CLDN10: variants seen among roughly 807,000 people sequenced by gnomAD.
CLDN10 encodes claudin-10.
CLDN10 carries 15 observed loss-of-function variants against 22.9 expected under a neutral mutation model. The ratio of observed to expected loss-of-function variants is 0.65; its 90% CI spans 0.44 to 1.01. CLDN10 has a LOEUF of 1.01. CLDN10 is among the 50% of genes least tolerant of loss of function. The pLI, the probability that CLDN10 is intolerant of heterozygous loss-of-function variation, is 0.00. For synonymous variants in CLDN10, 114 were observed against 111.4 expected, an observed-to-expected ratio of 1.02 and a Z score of -0.15; for missense variants, 247 against 287.8, an observed-to-expected ratio of 0.86 and a Z score of 1.03.
At chr13:95,490,681 C>T (rs970962781) in intron 1 of CLDN10, among the ~76,000 whole-genome samples, 1 of 151,998 alleles carries the variant, frequency 6.6e-6, no homozygotes. Flanking sequence ...ATTTTGTGGC[C>T]TATCACATGG....
At chr13:95,531,873 C>T (rs1018290869) in intron 1 of CLDN10, among the ~76,000 whole-genome samples, 11 of 151,968 alleles carry the variant, frequency 7.2e-5, no homozygotes, top group African/African-American at 1.7e-4. Context: ...AATAGATCTG[C>T]GCTTACACAT....
Position 95,475,603 on chromosome 13 carries a change from A to G in CLDN10, c.214+41556A>G, listed in dbSNP as rs559468218. Among the ~76,000 whole-genome samples, 60 of 152,286 alleles carry G rather than the reference A, an allele frequency of 3.9e-4. 1 individual carries two copies. Among genetic ancestry groups the G allele is most frequent in the African/African-American group, 1.3e-3 (54 of 41,570 alleles). On this transcript the variant is annotated intron_variant, in intron 1 of 4. Coordinates refer to the CLDN10 transcript ENST00000376873. ...AAGAGTTTCAGTGCTGTTTGCCCCAATGGCCTCTGGGCCCCTGGTGAGGGT... is the reference window on the plus strand; with the variant it reads ...AAGAGTTTCAGTGCTGTTTGCCCCAGTGGCCTCTGGGCCCCTGGTGAGGGT...
chr13:95,570,858 G>GTGTA (rs60359070), intron 3 of CLDN10, among the ~76,000 whole-genome samples: 2,367 of 119,600 alleles, frequency 0.02, 57 homozygotes, highest in South Asian at 0.041. Context: ...ATATACGTGT[G>GTGTA]TATATATATA....
chr13:95,514,986 G>T (rs138811711), intron 1 of CLDN10, among the ~76,000 whole-genome samples: 1 of 152,178 alleles, frequency 6.6e-6, no homozygotes, highest in Non-Finnish European at 1.5e-5. Context: ...ACTTGCAGGA[G>T]ACTTGGCTGC....
chr13:95,449,400 C>T (rs140513346), intron 1 of CLDN10, among the ~76,000 whole-genome samples: 12,480 of 151,696 alleles, frequency 0.082, 752 homozygotes, highest in South Asian at 0.22. Context: ...TACAGGCATG[C>T]ACCACCACAC....
At chr13:95,440,093 T>C (rs1406782870) in intron 1 of CLDN10, among the ~76,000 whole-genome samples, 1 of 152,040 alleles carries the variant, frequency 6.6e-6, no homozygotes, top group Non-Finnish European at 1.5e-5. Flanking sequence ...TTTGTATTTT[T>C]AGTAGAGGTG....
intron 1 of CLDN10, among the ~76,000 whole-genome samples, chr13:95,515,210 GTTT>G (rs869175718): frequency 5.0e-5 from 6 of 119,874 alleles, no homozygotes; most frequent in East Asian, 5.1e-4. Context: ...TGTTGTTGTT[GTTT>G]TTTGAGACAG....
chr13:95,496,325 G>A (rs1358621304), intron 1 of CLDN10, among the ~76,000 whole-genome samples: 3 of 152,222 alleles, frequency 2.0e-5, no homozygotes, highest in African/African-American at 7.2e-5. Context: ...AGTTTGAGAA[G>A]CAATTGTTTA....
chr13:95,451,856 C>G (rs557606045), intron 1 of CLDN10, among the ~76,000 whole-genome samples: 33 of 152,288 alleles, frequency 2.2e-4, no homozygotes, highest in African/African-American at 7.7e-4. Context: ...GTTCACCTTC[C>G]TTGGTGCCGT....
At chr13:95,493,653 G>C (rs1464923280) in intron 1 of CLDN10, among the ~76,000 whole-genome samples, 1 of 150,486 alleles carries the variant, frequency 6.6e-6, no homozygotes, top group South Asian at 2.1e-4. Context: ...TCCACCTTCC[G>C]GGTTCAAGAG....
At chr13:95,547,475 C>T (rs1449614090) in intron 1 of CLDN10, among the ~76,000 whole-genome samples, 1 of 152,172 alleles carries the variant, frequency 6.6e-6, no homozygotes, top group Non-Finnish European at 1.5e-5. Context: ...TAAAGAGACA[C>T]AAGGAAATGA....
chr13:95,534,095 G>T (rs761096540), intron 1 of CLDN10, among the ~76,000 whole-genome samples: 1 of 152,102 alleles, frequency 6.6e-6, no homozygotes, highest in African/African-American at 2.4e-5. Context: ...CTGAGGGATC[G>T]TTTGGGTAAT....
chr13:95,451,409 A>G (rs2042430603), intron 1 of CLDN10, among the ~76,000 whole-genome samples: 1 of 152,162 alleles, frequency 6.6e-6, no homozygotes, highest in African/African-American at 2.4e-5. Context: ...TTTTGTCTTC[A>G]TAGGTCTCCC....
At chr13:95,474,076 C>T (rs1213299505) in intron 1 of CLDN10, among the ~76,000 whole-genome samples, 2 of 152,150 alleles carry the variant, frequency 1.3e-5, no homozygotes, top group Non-Finnish European at 2.9e-5. Flanking sequence ...ATTATGATTA[C>T]ATTGCAATAT....
intron 1 of CLDN10, among the ~76,000 whole-genome samples, chr13:95,504,239 A>T (rs77793795): frequency 0.029 from 4,344 of 152,322 alleles, 90 homozygotes; most frequent in Middle Eastern, 0.072. Context: ...GGGCATATTT[A>T]TGGACAGGAA....
chr13:95,562,969 TG>T (rs2043734642), intron 3 of CLDN10, among the ~76,000 whole-genome samples: 1 of 152,236 alleles, frequency 6.6e-6, no homozygotes, highest in African/African-American at 2.4e-5. Flanking sequence ...TTTCAGATTT[TG>T]ATTAAACTCA....
At chr13:95,443,488 G>A (rs538786566) in intron 1 of CLDN10, among the ~76,000 whole-genome samples, 6 of 152,286 alleles carry the variant, frequency 3.9e-5, no homozygotes, top group Middle Eastern at 3.4e-3. Flanking sequence ...CCCGAGAAGC[G>A]GGAGACATGG....
chr13:95,482,203 A>C (rs1283202383), intron 1 of CLDN10, among the ~76,000 whole-genome samples: 6 of 152,160 alleles, frequency 3.9e-5, no homozygotes, highest in African/African-American at 1.4e-4. Flanking sequence ...AAATATATAC[A>C]CCTACTATGT....
chr13:95,578,235 A>G lies in CLDN10; in HGVS notation c.*221A>G, dbSNP rs1201765842. ...TATAAAAAATAAACAGTTTATTTAC[A>G]GGATTTGTAAAATGTTTTCTACATT... is the stretch of plus-strand genomic sequence containing the variant. On this transcript the variant is annotated 3_prime_UTR_variant, in exon 5 of 5. Transcript: ENST00000299339. The G allele has an allele frequency of 8.7e-6, 3 of 343,366 alleles. No individual in the cohort carries two copies. Among genetic ancestry groups the G allele is most frequent in the Non-Finnish European group, 1.1e-5 (2 of 189,814 alleles). 21.3% of individuals were successfully genotyped at this position (343,366 alleles called of 1,614,324 possible).
Sources: gnomAD v4.1 joint callset for allele counts (sites outside exome capture counted in the v4.1 genomes callset) on GRCh38, gnomAD v4.1.1 for gene constraint, MANE v1.5 for transcripts, NCBI Gene and HGNC (gene_info 2026-07-23, HGNC 2026-07-21) for gene names.